The following SEC24B variants were observed in gnomAD, a reference collection of about 807,000 sequenced individuals.
SEC24B encodes the protein SEC24 homolog B, COPII component.
In SEC24B, 45 loss-of-function variants were observed where a neutral mutation model predicts 142.8. That is an observed-to-expected ratio of 0.32 (90% CI 0.25 to 0.40). The LOEUF is 0.40. SEC24B is among the 10% of genes least tolerant of loss of function. The probability of loss-of-function intolerance (pLI) is 1.00; values close to 1 mark genes in which losing one functional copy is unlikely to be tolerated. For missense variants in SEC24B, 1,409 were observed against 1,526.8 expected, an observed-to-expected ratio of 0.92 and a Z score of 1.29; for synonymous variants, 574 against 568.2, an observed-to-expected ratio of 1.01 and a Z score of -0.15.
chr4:109,465,651 CT>C, intron 2 of SEC24B, among the ~76,000 whole-genome samples: 1 of 152,102 alleles, frequency 6.6e-6, no homozygotes, highest in Non-Finnish European at 1.5e-5. Context: ...TAATTCCTAT[CT>C]TAGTTCTGAG....
chr4:109,478,364 T>G (rs558723147), intron 3 of SEC24B, among the ~76,000 whole-genome samples: 13 of 152,170 alleles, frequency 8.5e-5, no homozygotes, highest in African/African-American at 3.1e-4. Flanking sequence ...TTTCTAATGA[T>G]GTGCCCTGAA....
intron 4 of SEC24B, among the ~76,000 whole-genome samples, chr4:109,489,905 A>G (rs1203970925): frequency 1.3e-5 from 2 of 151,916 alleles, no homozygotes; most frequent in African/African-American, 4.8e-5. Context: ...AAAATTCACA[A>G]ATAAAAGGAA....
At chr4:109,528,531 G>A (rs1724523236) in intron 18 of SEC24B, among the ~76,000 whole-genome samples, 1 of 152,106 alleles carries the variant, frequency 6.6e-6, no homozygotes, top group Non-Finnish European at 1.5e-5. Context: ...TGAGACTGAG[G>A]GAGGGTTTTA....
rs1578866741 is a variant in SEC24B, at chr4:109,484,835, G to A, written c.1165+3054G>A. Reference sequence around the variant, plus strand: ...CCACTGCCCTGCAGCCTGGGTGGCAGAGTGAGACTCTGTCTCAAAAAAAAA... The same window carrying A: ...CCACTGCCCTGCAGCCTGGGTGGCAAAGTGAGACTCTGTCTCAAAAAAAAA... On this transcript the variant is annotated intron_variant, in intron 4 of 23. Transcript: ENST00000265175. Among the ~76,000 whole-genome samples, 4 of 142,400 alleles carry A rather than the reference G, an allele frequency of 2.8e-5. 1 individual carries two copies. The Admixed American group carries it at 2.9e-4, about 10-fold the overall frequency. 93.4% of individuals were successfully genotyped at this position (142,400 alleles called of 152,430 possible).
intron 6 of SEC24B, among the ~76,000 whole-genome samples, chr4:109,495,746 C>A (rs1176548139): frequency 2.0e-5 from 3 of 152,172 alleles, no homozygotes; most frequent in Non-Finnish European, 4.4e-5. Flanking sequence ...GATGATGGAG[C>A]TGCCATCTTG....
intron 4 of SEC24B, among the ~76,000 whole-genome samples, chr4:109,482,979 T>TATACACACAC (rs781527364): frequency 2.7e-4 from 7 of 26,408 alleles, no homozygotes; most frequent in African/African-American, 3.5e-4. Context: ...TATATATATA[T>TATACACACAC]ACACACACAC....
intron 1 of SEC24B, among the ~76,000 whole-genome samples, chr4:109,461,622 TA>T (rs1731265867): frequency 1.3e-5 from 2 of 152,190 alleles, no homozygotes; most frequent in South Asian, 4.1e-4. Context: ...TCAAGTAAAT[TA>T]TATACATGCT....
intron 4 of SEC24B, among the ~76,000 whole-genome samples, chr4:109,489,271 G>A (rs1286036005): frequency 1.3e-5 from 2 of 151,958 alleles, no homozygotes; most frequent in Non-Finnish European, 2.9e-5. Flanking sequence ...TTGTGGTGTA[G>A]GGAAGGGGTC....
intron 22 of SEC24B, 70 bp from the exon 23 acceptor site, chr4:109,538,420 AATC>A: frequency 1.1e-6 from 1 of 944,002 alleles, no homozygotes; most frequent in South Asian, 1.4e-5. Context: ...TGATGGTAGG[AATC>A]ATGATTTTGT....
chr4:109,495,606 G>A (rs553811923), intron 6 of SEC24B, among the ~76,000 whole-genome samples: 3 of 152,296 alleles, frequency 2.0e-5, no homozygotes, highest in South Asian at 2.1e-4. Context: ...CTCGCAGATC[G>A]GTTCGATTAG....
At chr4:109,480,234 A>G (rs967043593) in intron 3 of SEC24B, among the ~76,000 whole-genome samples, 2 of 151,680 alleles carry the variant, frequency 1.3e-5, no homozygotes, top group Non-Finnish European at 2.9e-5. Context: ...TACTCTAGTG[A>G]TGAGTTGTTT....
intron 1 of SEC24B, among the ~76,000 whole-genome samples, chr4:109,458,461 A>G (rs1730923549): frequency 1.3e-5 from 2 of 152,156 alleles, no homozygotes; most frequent in South Asian, 4.1e-4. Flanking sequence ...TGCCAACTAG[A>G]GACTTGACCC....
chr4:109,502,754 C>T (rs1214485088), intron 6 of SEC24B, among the ~76,000 whole-genome samples: 1 of 152,142 alleles, frequency 6.6e-6, no homozygotes, highest in African/African-American at 2.4e-5. Context: ...AAATAATGTA[C>T]CAATGTATAC....
At chr4:109,442,441 A>G (rs1729019511) in intron 1 of SEC24B, among the ~76,000 whole-genome samples, 1 of 152,098 alleles carries the variant, frequency 6.6e-6, no homozygotes, top group Non-Finnish European at 1.5e-5. Flanking sequence ...ATATTGGCCT[A>G]TTTCTTTGTA....
intron 18 of SEC24B, among the ~76,000 whole-genome samples, chr4:109,529,925 G>A (rs1724711862): frequency 6.6e-6 from 1 of 152,088 alleles, no homozygotes; most frequent in Non-Finnish European, 1.5e-5. Flanking sequence ...GTAGAGACAA[G>A]GTCTCACTAT....
At chr4:109,435,120 A>T (rs541876200) in intron 1 of SEC24B, among the ~76,000 whole-genome samples, 1 of 152,226 alleles carries the variant, frequency 6.6e-6, no homozygotes, top group African/African-American at 2.4e-5. Context: ...GCTGGACTTT[A>T]TGAATTAGTT....
At chr4:109,468,718 A>G (rs549386609) in intron 2 of SEC24B, among the ~76,000 whole-genome samples, 3 of 152,342 alleles carry the variant, frequency 2.0e-5, no homozygotes, top group South Asian at 2.1e-4. Flanking sequence ...TGCAGAAGAC[A>G]TGATAGAGAT....
intron 8 of SEC24B, among the ~76,000 whole-genome samples, chr4:109,510,463 T>C (rs1413344622): frequency 6.6e-6 from 1 of 152,204 alleles, no homozygotes; most frequent in Non-Finnish European, 1.5e-5. Context: ...AGTGATTCCC[T>C]GTGGATACAA....
intron 3 of SEC24B, among the ~76,000 whole-genome samples, chr4:109,473,652 A>G (rs1419180681): frequency 6.6e-6 from 1 of 152,188 alleles, no homozygotes; most frequent in African/African-American, 2.4e-5. Flanking sequence ...TGTAACCCAT[A>G]CTCTTGCGTC....
Sources: allele counts gnomAD v4.1 joint callset (sites outside exome capture counted in the v4.1 genomes callset), GRCh38; gene constraint gnomAD v4.1.1; transcripts MANE v1.5; gene names NCBI Gene and HGNC (gene_info 2026-07-23, HGNC 2026-07-21).